Variants in PEAK1 observed in about 807,000 individuals in gnomAD.
PEAK1 encodes the protein inactive tyrosine-protein kinase PEAK1.
A neutral mutation model predicts 124.7 loss-of-function variants in PEAK1; 54 were observed. The ratio of observed to expected loss-of-function variants is 0.43; its 90% CI spans 0.35 to 0.54. The LOEUF (loss-of-function observed/expected upper bound fraction) is 0.54, where lower values mean the gene tolerates loss of function less well. PEAK1 is among the 20% of genes least tolerant of loss of function. The pLI is 0.01. For missense variants in PEAK1, 2,046 were observed against 2,134.5 expected, an observed-to-expected ratio of 0.96 and a Z score of 0.82; for synonymous variants, 719 against 760.0, an observed-to-expected ratio of 0.95 and a Z score of 0.89.
At chr15:77,355,026 G>A (rs577573071) in intron 2 of PEAK1, among the ~76,000 whole-genome samples, 6 of 151,328 alleles carry the variant, frequency 4.0e-5, no homozygotes, top group Admixed American at 3.3e-4. Context: ...GCGACAGAGC[G>A]AGACTCCATC....
intron 6 of PEAK1, chr15:77,239,835 C>G (rs2060277632): frequency 1.0e-6 from 1 of 985,038 alleles, no homozygotes; most frequent in Non-Finnish European, 1.2e-6. Flanking sequence ...AGACCACTCT[C>G]TAGGAAATCA....
intron 9 of PEAK1, among the ~76,000 whole-genome samples, chr15:77,125,474 A>G (rs575143172): frequency 6.6e-6 from 1 of 152,024 alleles, no homozygotes. Context: ...TGATGCTCTC[A>G]GCACTGTGTG....
At chr15:77,307,282 C>T (rs1453638414) in intron 2 of PEAK1, among the ~76,000 whole-genome samples, 1 of 151,794 alleles carries the variant, frequency 6.6e-6, no homozygotes, top group Non-Finnish European at 1.5e-5. Flanking sequence ...GGGGACTGGA[C>T]ACAATGTTTG....
intron 5 of PEAK1, among the ~76,000 whole-genome samples, chr15:77,274,735 C>A (rs2062220607): frequency 6.6e-6 from 1 of 152,024 alleles, no homozygotes; most frequent in Non-Finnish European, 1.5e-5. Context: ...ACTAGTACAC[C>A]ACTATGGAAA....
rs1056891412 is a variant in PEAK1 at position 77,408,098 on chromosome 15, C to T, written c.-666+11908G>A. On this transcript the variant is annotated intron_variant, in intron 1 of 9. Coordinates refer to ENST00000682557, the MANE Select transcript of PEAK1 (RefSeq NM_001385026.1). ...ACATATATACACATATATACACACA[C>T]ATATATACATATATACACATATATA... 3.3e-5 allele frequency among the ~76,000 whole-genome samples: 5 copies of T among 150,540 alleles called. No individual in the cohort carries two copies. In the East Asian group the frequency reaches 5.8e-4, roughly 18 times the overall value.
intron 1 of PEAK1, among the ~76,000 whole-genome samples, chr15:77,391,182 C>T (rs1250088804): frequency 6.6e-6 from 1 of 152,102 alleles, no homozygotes; most frequent in East Asian, 1.9e-4. Context: ...GGTGCTACTG[C>T]TGAGCTACAC....
chr15:77,344,927 T>C (rs1259794993), intron 2 of PEAK1, among the ~76,000 whole-genome samples: 2 of 152,266 alleles, frequency 1.3e-5, no homozygotes, highest in Non-Finnish European at 2.9e-5. Flanking sequence ...TTGTTTTAAT[T>C]CGAACCTGTT....
At chr15:77,290,703 C>T (rs1266078041) in intron 2 of PEAK1, among the ~76,000 whole-genome samples, 1 of 152,094 alleles carries the variant, frequency 6.6e-6, no homozygotes, top group Non-Finnish European at 1.5e-5. Flanking sequence ...GTGCACACTA[C>T]CATGTCTGAA....
chr15:77,404,248 G>C (rs1173403159), intron 1 of PEAK1: 1 of 985,204 alleles, frequency 1.0e-6, no homozygotes, highest in Non-Finnish European at 1.2e-6. Context: ...TGGCTTTGCT[G>C]TTTTCTTCTC....
chr15:77,175,054 G>GAA (rs2056765205), intron 7 of PEAK1, among the ~76,000 whole-genome samples: 1 of 151,634 alleles, frequency 6.6e-6, no homozygotes, highest in African/African-American at 2.4e-5. Flanking sequence ...GCCATATGTA[G>GAA]AAAGCTGAAA....
chr15:77,337,703 C>A (rs2066287855), intron 2 of PEAK1: 1 of 985,106 alleles, frequency 1.0e-6, no homozygotes, highest in African/African-American at 1.7e-5. Context: ...TTGTCAGTAA[C>A]CCTTTATTAT....
chr15:77,346,722 GAA>G (rs1448563178), intron 2 of PEAK1: 3 of 983,422 alleles, frequency 3.1e-6, no homozygotes, highest in African/African-American at 1.7e-5. Flanking sequence ...GAAAAAGAAT[GAA>G]AAGACATTTG....
Position 77,146,602 on chromosome 15 carries a change from T to C in PEAK1, c.3331+11901A>G, listed in dbSNP as rs919270342. 2.6e-5 allele frequency among the ~76,000 whole-genome samples: 4 copies of C among 152,140 alleles called. No individual in the cohort carries two copies. In the East Asian group the frequency reaches 7.7e-4, roughly 29 times the overall value. The stretch of plus-strand genomic sequence containing the variant: ...GAATGCAGCTAACTTCGGGACAGAG[T>C]GTATGATTTCTTTTTAAATAGAAAT... On this transcript the variant is annotated intron_variant, in intron 8 of 9. Coordinates refer to ENST00000682557, the MANE Select transcript of PEAK1 (RefSeq NM_001385026.1).
At chr15:77,142,618 T>C (rs2053874656) in intron 8 of PEAK1, among the ~76,000 whole-genome samples, 1 of 152,238 alleles carries the variant, frequency 6.6e-6, no homozygotes, top group Non-Finnish European at 1.5e-5. Flanking sequence ...AATTGACTAT[T>C]ATTCAGGCAT....
At chr15:77,210,377 A>G (rs984508720) in intron 6 of PEAK1, among the ~76,000 whole-genome samples, 3 of 152,212 alleles carry the variant, frequency 2.0e-5, no homozygotes, top group Non-Finnish European at 4.4e-5. Context: ...AGCAATATAT[A>G]TGTAATTCAT....
chr15:77,150,926 G>A (rs920002654), intron 8 of PEAK1, among the ~76,000 whole-genome samples: 2 of 152,056 alleles, frequency 1.3e-5, no homozygotes, highest in African/African-American at 4.8e-5. Flanking sequence ...TGGACATTTG[G>A]GTTGGTTCCA....
chr15:77,355,017 C>T (rs556440303), intron 2 of PEAK1, among the ~76,000 whole-genome samples: 5 of 150,330 alleles, frequency 3.3e-5, no homozygotes, highest in South Asian at 4.2e-4. Context: ...CCAGCCTGGG[C>T]GACAGAGCGA....
rs1158768618 is a variant in PEAK1 at position 77,178,968 on chromosome 15, T to C, written c.2959A>G (p.Ile987Val). ...GGGTCGCACCTGTACATGAAGACAA[T>C]GGCTGGTTTCTCACTGGACTCTCCT... ...AKGESSEKPA[I>V]VFMYRCDPAQ... The change falls in exon 7 of 10, where the codon ATT (isoleucine) becomes GTT (valine). Residue 987 changes from isoleucine to valine, a missense_variant. Transcript: ENST00000682557. The C allele has an allele frequency of 7.4e-6, 12 of 1,613,928 alleles. No individual in the cohort carries two copies. The Admixed American group carries it at 1.7e-4, about 22-fold the overall frequency.
chr15:77,166,131 TTA>T (rs2056081376), intron 7 of PEAK1, among the ~76,000 whole-genome samples: 1 of 152,174 alleles, frequency 6.6e-6, no homozygotes, highest in African/African-American at 2.4e-5. Context: ...ACCAAAAAAG[TTA>T]ATAATTTACA....
Sources: allele counts gnomAD v4.1 joint callset (sites outside exome capture counted in the v4.1 genomes callset), GRCh38; gene constraint gnomAD v4.1.1; transcripts MANE v1.5; gene names NCBI Gene and HGNC (gene_info 2026-07-23, HGNC 2026-07-21).